LIPE: variants seen among roughly 807,000 people sequenced by gnomAD.
The protein encoded by LIPE is hormone-sensitive lipase.
In LIPE, 66 loss-of-function variants were observed where a neutral mutation model predicts 88.5. The ratio of observed to expected loss-of-function variants is 0.75; its 90% CI spans 0.61 to 0.91. LIPE has a LOEUF of 0.91. Among genes scored for constraint, LIPE ranks in the 40% least tolerant of loss-of-function variants. The pLI, the probability that LIPE is intolerant of heterozygous loss-of-function variation, is 0.00. For missense variants in LIPE, 1,346 were observed against 1,434.7 expected, an observed-to-expected ratio of 0.94 and a Z score of 1.00; for synonymous variants, 570 against 617.5, an observed-to-expected ratio of 0.92 and a Z score of 1.14.
chr19:42,405,848 T>C (rs762054424), intron 7 of LIPE: 1 of 537,792 alleles, frequency 1.9e-6, no homozygotes, highest in Non-Finnish European at 3.3e-6. Context: ...TAGTTCCAGC[T>C]ACTTGGGAAG....
In LIPE at chr19:42,408,414, T is replaced by C. The variant is rs2040262407; in HGVS notation, c.1420-92A>G. ...CACAGGGATGTGCGGGGAAGACACA[T>C]TCATTCAGTAAACGTTTCATGAGCT... On this transcript the variant is annotated intron_variant, in intron 2 of 9. Transcript: ENST00000244289. The surrounding 1 kb of genome is among the most constrained non-coding windows in gnomAD (Gnocchi z 4.3). 9.8e-7 allele frequency: 1 copy of C among 1,023,870 alleles called. No individual in the cohort carries two copies. Among genetic ancestry groups the C allele is most frequent in the Non-Finnish European group, 1.5e-6 (1 of 652,414 alleles). The allele number at this position is 1,023,870 out of a possible 1,614,324, so 63.4% of individuals were successfully genotyped here.
Position 42,426,811 on chromosome 19 carries a change from G to A in LIPE, c.339C>T (p.Ser113=), listed in dbSNP as rs757104514. ...CTTTTCCTAGCCCAGGTCCCTGCTGGGAGGCAGCTTCCTGTTGAGTGAGCA... is the reference window on the plus strand; with the variant it reads ...CTTTTCCTAGCCCAGGTCCCTGCTGAGAGGCAGCTTCCTGTTGAGTGAGCA... ...RVLLTQQEAA[S]QQGPGLGKES... Residue 113 remains serine, a synonymous_variant, in exon 1 of 10, where the codon TCC becomes TCT. Transcript: ENST00000244289. The A allele has an allele frequency of 7.8e-5, 126 of 1,613,982 alleles. No individual in the cohort carries two copies. Among genetic ancestry groups the A allele is most frequent in the Non-Finnish European group, 1.0e-4 (123 of 1,180,012 alleles).
chr19:42,426,245 A>G lies in LIPE; in HGVS notation c.883+22T>C, dbSNP rs375466098. 283 of 1,579,240 alleles carry G rather than the reference A, an allele frequency of 1.8e-4. 1 individual carries two copies. Among genetic ancestry groups the G allele is most frequent in the East Asian group, 4.1e-4 (18 of 44,084 alleles). On this transcript the variant is annotated intron_variant, in intron 1 of 9. Coordinates refer to ENST00000244289, the MANE Select transcript of LIPE (RefSeq NM_005357.4). ...GAATGACTGTCCCTGAGAGGCTTCA[A>G]TTCCTCCAGATTCACACTCACCTGT...
Position 42,407,979 on chromosome 19 carries a change from T to C in LIPE, c.1653A>G (p.Leu551=), listed in dbSNP as rs139523276. Residue 551 remains leucine (L), a synonymous_variant, in exon 4 of 10, where the codon CTA becomes CTG. Coordinates refer to ENST00000244289, the MANE Select transcript of LIPE (RefSeq NM_005357.4). The surrounding 1 kb of genome is among the most constrained non-coding windows in gnomAD (Gnocchi z 5.8). The part of the protein sequence containing the change: ...AFWNITEMEV[L]SSLANMASAT... ...CCCATCTGCAACAGGCCCTCACCGA[T>C]AGCACTTCCATCTCGGTGATGTTCC... is the stretch of plus-strand genomic sequence containing the variant. The C allele has an allele frequency of 3.8e-5, 62 of 1,612,790 alleles. No homozygotes were observed. In the African/African-American group the frequency reaches 5.9e-4, roughly 15 times the overall value.
rs547247789 is a variant in LIPE at position 42,414,021 on chromosome 19, AT to A, written c.884-3180del. On this transcript the variant is annotated intron_variant, in intron 1 of 9. Coordinates refer to ENST00000244289, the MANE Select transcript of LIPE (RefSeq NM_005357.4). This position sits in a 1 kb window ranked among gnomAD's most constrained non-coding sequence, Gnocchi z 4.6. Reference sequence around the variant, plus strand: ...GGGCTAGGCACAGTGGCTCATGCCTATAATGCCAGCACGTTGGGAGGCCGAC... The same window carrying A: ...GGGCTAGGCACAGTGGCTCATGCCTAAATGCCAGCACGTTGGGAGGCCGAC... Among the ~76,000 whole-genome samples the A allele has an allele frequency of 3.5e-4, 54 of 152,158 alleles. No homozygotes were observed. In the South Asian group the frequency reaches 4.4e-3, roughly 12 times the overall value.
At position 42,426,468 on chromosome 19, in the gene LIPE, A is replaced by G. The variant is rs1392625016; in HGVS notation, c.682T>C (p.Trp228Arg). The G allele has an allele frequency of 5.0e-6, 8 of 1,613,892 alleles. No individual in the cohort carries two copies. The highest frequency in any genetic ancestry group is 5.9e-6 in the Non-Finnish European group (7 of 1,179,964). Residue 228 changes from tryptophan to arginine, a missense_variant, in exon 1 of 10, where the codon TGG (tryptophan) becomes CGG (arginine). Physicochemically the swap from Trp to Arg is moderately radical, Grantham distance 101. Transcript: ENST00000244289. Reference protein sequence around the residue: ...SALEWKALSEWVTDSESESDV... With the variant: ...SALEWKALSERVTDSESESDV... ...GATTCTGACTCAGAATCTGTGACCC[A>G]CTCAGAAAGTGCCTTCCACTCTAGG...
At chr19:42,411,553 C>T (rs564517922) in intron 1 of LIPE, among the ~76,000 whole-genome samples, 1 of 152,298 alleles carries the variant, frequency 6.6e-6, no homozygotes, top group South Asian at 2.1e-4. Flanking sequence ...GGACCCTGGT[C>T]CCCAAGCGCA....
intron 1 of LIPE, chr19:42,423,838 G>C: frequency 9.0e-7 from 1 of 1,107,040 alleles, no homozygotes; most frequent in Non-Finnish European, 1.1e-6. Context: ...GGAGCCCCGC[G>C]GGGAGCACCC....
chr19:42,405,518 G>A lies in LIPE; in HGVS notation c.2409C>T (p.Leu803=), dbSNP rs2229615. 1.1e-4 allele frequency: 183 copies of A among 1,614,184 alleles called. No homozygotes were observed. Among genetic ancestry groups the A allele is most frequent in the Non-Finnish European group, 1.3e-4 (155 of 1,180,026 alleles). ...EDHSNSDQKA[L]GMMGLVRRDT... is the part of the protein sequence containing the mutation. ...CCCGCCGCACCAGCCCCATCATGCC[G>A]AGGGCTTTCTGGTCTGAGTTGGAGT... is the stretch of plus-strand genomic sequence containing the variant. The change falls in exon 8 of 10, where the codon CTC becomes CTT. Residue 803 remains leucine, a synonymous_variant. Transcript: ENST00000244289.
chr19:42,406,070 C>G lies in LIPE; in HGVS notation c.2365+91G>C. 1.8e-6 allele frequency: 2 copies of G among 1,139,042 alleles called. No individual in the cohort carries two copies. The highest frequency in any genetic ancestry group is 1.3e-6 in the Non-Finnish European group (1 of 792,942). The allele number at this position is 1,139,042 out of a possible 1,614,324, so 70.6% of individuals were successfully genotyped here. A position where few individuals can be genotyped will look rare whatever the true frequency, so the allele number is the denominator to read the frequency against. Reference sequence around the variant, plus strand: ...GATTCCTCTGCCTGGCCTCTCCTTCCTCAGTCACAGGAGTCCTGGTCCCCA... The same window carrying G: ...GATTCCTCTGCCTGGCCTCTCCTTCGTCAGTCACAGGAGTCCTGGTCCCCA... On this transcript the variant is annotated intron_variant, in intron 7 of 9. Transcript: ENST00000244289. This position sits in a 1 kb window ranked among gnomAD's most constrained non-coding sequence, Gnocchi z 5.7.
rs113177392 is a variant in LIPE at position 42,408,565 on chromosome 19, G to GAA, written c.1420-245_1420-244dup. Reference sequence around the variant, plus strand: ...ATGACAAGGAATGACGAATGGTTTGGAAAAAAAAAAAGGCAGTAGGTGGAG... The same window carrying GAA: ...ATGACAAGGAATGACGAATGGTTTGGAAAAAAAAAAAAAGGCAGTAGGTGGAG... On this transcript the variant is annotated intron_variant, in intron 2 of 9. Coordinates refer to ENST00000244289, the MANE Select transcript of LIPE (RefSeq NM_005357.4). The surrounding 1 kb of genome is among the most constrained non-coding windows in gnomAD (Gnocchi z 4.3). 2.0e-4 allele frequency: 80 copies of GAA among 398,490 alleles called. No homozygotes were observed. The highest frequency in any genetic ancestry group is 7.2e-4 in the African/African-American group (34 of 47,100). 24.7% of individuals were successfully genotyped at this position (398,490 alleles called of 1,614,324 possible).
rs35831167 is a variant in LIPE at position 42,407,771 on chromosome 19, C to T, written c.1677G>A (p.Ser559=). 6.4e-4 allele frequency: 990 copies of T among 1,548,162 alleles called. No individual in the cohort carries two copies. The highest frequency in any genetic ancestry group is 7.9e-4 in the Non-Finnish European group (911 of 1,146,638). The change falls in exon 5 of 10, where the codon TCG becomes TCA. Residue 559 remains serine (S), a synonymous_variant. Coordinates refer to ENST00000244289, the MANE Select transcript of LIPE (RefSeq NM_005357.4). The surrounding 1 kb of genome is among the most constrained non-coding windows in gnomAD (Gnocchi z 5.8). ...EVLSSLANMA[S]ATVRVSRLLS... The stretch of plus-strand genomic sequence containing the variant: ...GCAGGCGGCTTACCCTCACGGTGGC[C>T]GATGCCATGTTGGCCAGAGACTGGA...
chr19:42,402,104 A>C, intron 9 of LIPE, 29 bp from the exon 10 acceptor site: 1 of 1,448,980 alleles, frequency 6.9e-7, no homozygotes, highest in Non-Finnish European at 9.1e-7. Flanking sequence ...GGACGTGGAG[A>C]GAGGGTGGGG....
Position 42,408,106 on chromosome 19 carries a change from G to A in LIPE, c.1526C>T (p.Ser509Phe). The A allele has an allele frequency of 6.2e-7, 1 of 1,613,896 alleles. No individual in the cohort carries two copies. The highest frequency in any genetic ancestry group is 1.6e-4 in the Middle Eastern group (1 of 6,062). Residue 509 changes from serine (S) to phenylalanine (F), a missense_variant, in exon 4 of 10, where the codon TCT becomes TTT. Ser to Phe is a radical substitution (Grantham distance 155, BLOSUM62 -2). Coordinates refer to ENST00000244289, the MANE Select transcript of LIPE (RefSeq NM_005357.4). This position sits in a 1 kb window ranked among gnomAD's most constrained non-coding sequence, Gnocchi z 4.3. ...NETGLSVAAS[S>F]LFTSGRFAID... ...GGCAAAGCGGCCGCTGGTGAAGAGAGAGCTGGCGGCCACACCTAGGGGTCA... is the reference window on the plus strand; with the variant it reads ...GGCAAAGCGGCCGCTGGTGAAGAGAAAGCTGGCGGCCACACCTAGGGGTCA...
chr19:42,417,162 C>T (rs1023271356), intron 1 of LIPE, among the ~76,000 whole-genome samples: 14 of 152,208 alleles, frequency 9.2e-5, no homozygotes, highest in Admixed American at 3.9e-4. Context: ...CCTCGTGATT[C>T]GCCTGCCTCG....
At chr19:42,413,710 A>G (rs1050434164) in intron 1 of LIPE, among the ~76,000 whole-genome samples, 1 of 152,138 alleles carries the variant, frequency 6.6e-6, no homozygotes, top group Non-Finnish European at 1.5e-5. Context: ...GGCCTGTGTG[A>G]CTGAGGGGCT....
rs2040194830 is a variant in LIPE at position 42,406,678 on chromosome 19, G to A, written c.2138-290C>T. 6.6e-6 allele frequency among the ~76,000 whole-genome samples: 1 copy of A among 152,140 alleles called. No individual in the cohort carries two copies. The highest frequency in any genetic ancestry group is 1.5e-5 in the Non-Finnish European group (1 of 68,020). On this transcript the variant is annotated intron_variant, in intron 6 of 9. Transcript: ENST00000244289. The surrounding 1 kb of genome is among the most constrained non-coding windows in gnomAD (Gnocchi z 5.7). ...CAGGGAGGGCAGGTGGTGGGAAAGGGGAGCTGAGCTCAGGCCTGTTGCAGG... is the reference window on the plus strand; with the variant it reads ...CAGGGAGGGCAGGTGGTGGGAAAGGAGAGCTGAGCTCAGGCCTGTTGCAGG...
intron 1 of LIPE, among the ~76,000 whole-genome samples, chr19:42,411,107 C>T (rs1169447312): frequency 1.3e-5 from 2 of 152,146 alleles, no homozygotes; most frequent in Non-Finnish European, 2.9e-5. Context: ...CCTCAGCTCC[C>T]TCCTCCCTCA....
intron 1 of LIPE, among the ~76,000 whole-genome samples, chr19:42,418,612 G>A (rs1025011580): frequency 2.6e-5 from 4 of 151,944 alleles, no homozygotes; most frequent in African/African-American, 7.3e-5. Flanking sequence ...CTAGGAGTTC[G>A]AGACTAGCCT....
Sources: allele counts gnomAD v4.1 joint callset (sites outside exome capture counted in the v4.1 genomes callset), GRCh38; gene constraint gnomAD v4.1.1; non-coding constraint Gnocchi (gnomAD v3.1); transcripts MANE v1.5; gene names NCBI Gene and HGNC (gene_info 2026-07-23, HGNC 2026-07-21).